Variants in SIMC1 observed in about 807,000 individuals in gnomAD.
The protein encoded by SIMC1 is SUMO interacting motifs containing 1.
In SIMC1, 55 loss-of-function variants were observed where a neutral mutation model predicts 82.3. The observed-to-expected ratio is 0.67, with a 90% CI of 0.54 to 0.84. SIMC1 has a LOEUF of 0.84. SIMC1 is among the 40% of genes least tolerant of loss of function. SIMC1 has a pLI of 0.00. For synonymous variants in SIMC1, 353 were observed against 426.3 expected (o/e 0.83, Z 2.12); for missense variants, 915 against 1,107.2 (o/e 0.83, Z 2.46).
intron 4 of SIMC1, chr5:176,308,384 G>A (rs977920492): frequency 1.0e-5 from 16 of 1,595,462 alleles, no homozygotes; most frequent in Non-Finnish European, 1.2e-5. Flanking sequence ...CAGAGAAGTT[G>A]GCTGAACTGA....
chr5:176,327,617 C>T (rs1261968510), intron 7 of SIMC1, among the ~76,000 whole-genome samples: 1 of 152,124 alleles, frequency 6.6e-6, no homozygotes, highest in Admixed American at 6.5e-5. Context: ...GCTAGAATCT[C>T]CAGGAAAATG....
chr5:176,310,148 A>G (rs571917336), intron 4 of SIMC1, among the ~76,000 whole-genome samples: 4 of 152,324 alleles, frequency 2.6e-5, no homozygotes, highest in African/African-American at 9.6e-5. Context: ...AAAATAGTAA[A>G]AATACCAAAT....
intron 1 of SIMC1, among the ~76,000 whole-genome samples, chr5:176,283,019 CTA>C (rs1401125746): frequency 6.6e-6 from 1 of 152,150 alleles, no homozygotes. Context: ...AAATATGGGA[CTA>C]TGTGAAAAGA....
intron 1 of SIMC1, among the ~76,000 whole-genome samples, chr5:176,253,936 A>G (rs1389635366): frequency 6.6e-6 from 1 of 152,226 alleles, no homozygotes; most frequent in African/African-American, 2.4e-5. Flanking sequence ...ATGACCACGG[A>G]GAACTAGGTG....
Position 176,324,683 on chromosome 5 carries a change from C to A in SIMC1, c.2097C>A (p.Thr699=), listed in dbSNP as rs191300514. ...MLSIAVEVDR[T]PTCSSNKIAE... ...CCATAGCCGTAGAGGTGGACAGGACCCCCACCTGCAGCTCCAATAAAATTG... is the reference window on the plus strand; with the variant it reads ...CCATAGCCGTAGAGGTGGACAGGACACCCACCTGCAGCTCCAATAAAATTG... The change falls in exon 7 of 10, where the codon ACC becomes ACA. Residue 699 remains threonine (T), a synonymous_variant. Transcript: ENST00000429602. 1 of 1,608,370 alleles carries A rather than the reference C, an allele frequency of 6.2e-7. No homozygotes were observed. The highest frequency in any genetic ancestry group is 8.5e-7 in the Non-Finnish European group (1 of 1,177,328).
chr5:176,266,281 G>A (rs1394792500), intron 1 of SIMC1, among the ~76,000 whole-genome samples: 1 of 152,116 alleles, frequency 6.6e-6, no homozygotes, highest in Admixed American at 6.6e-5. Flanking sequence ...GGGGACAGAG[G>A]TCAAGGCTGG....
chr5:176,336,206 TC>T (rs1765887057), intron 7 of SIMC1, among the ~76,000 whole-genome samples: 1 of 152,110 alleles, frequency 6.6e-6, no homozygotes, highest in Non-Finnish European at 1.5e-5. Flanking sequence ...TGCTTCTGCC[TC>T]CATAGGAAGG....
intron 4 of SIMC1, among the ~76,000 whole-genome samples, chr5:176,310,818 C>T (rs563480325): frequency 4.5e-4 from 69 of 151,958 alleles, no homozygotes; most frequent in African/African-American, 1.3e-3. Context: ...TACATACACA[C>T]AAATGAATGC....
chr5:176,256,603 A>G (rs1416903826), intron 1 of SIMC1, among the ~76,000 whole-genome samples: 1 of 150,962 alleles, frequency 6.6e-6, no homozygotes, highest in Non-Finnish European at 1.5e-5. Context: ...CTAAAAAGAA[A>G]CACTACCACA....
At chr5:176,306,176 C>T (rs1390356223) in intron 4 of SIMC1, among the ~76,000 whole-genome samples, 2 of 62,522 alleles carry the variant, frequency 3.2e-5, no homozygotes, top group Admixed American at 2.8e-4. Flanking sequence ...GCGTCAGCCC[C>T]CTGCCCGGCC....
intron 1 of SIMC1, among the ~76,000 whole-genome samples, chr5:176,261,483 C>A (rs1342605257): frequency 6.6e-6 from 1 of 152,072 alleles, no homozygotes; most frequent in African/African-American, 2.4e-5. Context: ...TGGCTCACAC[C>A]TGTATTCCCA....
At chr5:176,312,899 A>G (rs1041565217) in intron 4 of SIMC1, among the ~76,000 whole-genome samples, 4 of 152,222 alleles carry the variant, frequency 2.6e-5, no homozygotes, top group Admixed American at 6.5e-5. Flanking sequence ...ATGCTTGCCT[A>G]CTATGTGACA....
chr5:176,324,296 G>A (rs1442564884), intron 6 of SIMC1, among the ~76,000 whole-genome samples: 2 of 152,084 alleles, frequency 1.3e-5, no homozygotes, highest in African/African-American at 2.4e-5. Context: ...TGCAAAACAG[G>A]GAAGTTATAG....
intron 1 of SIMC1, among the ~76,000 whole-genome samples, chr5:176,279,743 T>C (rs1373555836): frequency 1.1e-4 from 17 of 151,534 alleles, no homozygotes; most frequent in Non-Finnish European, 2.5e-4. Flanking sequence ...CCAGTAGTCA[T>C]TCAGGAGCAG....
chr5:176,292,235 C>CA (rs1340007510), intron 2 of SIMC1, among the ~76,000 whole-genome samples: 1 of 152,044 alleles, frequency 6.6e-6, no homozygotes, highest in Non-Finnish European at 1.5e-5. Context: ...TGCTCCTTTC[C>CA]ATTGGTCATC....
chr5:176,255,384 C>T (rs1280548194), intron 1 of SIMC1, among the ~76,000 whole-genome samples: 2 of 152,050 alleles, frequency 1.3e-5, no homozygotes, highest in African/African-American at 4.8e-5. Flanking sequence ...GAATTTGAGA[C>T]CAGCCTGGCC....
intron 1 of SIMC1, among the ~76,000 whole-genome samples, chr5:176,286,870 A>C (rs1262828080): frequency 6.6e-6 from 1 of 152,260 alleles, no homozygotes; most frequent in Non-Finnish European, 1.5e-5. Context: ...CAACAGACAC[A>C]TGAAAAAATG....
chr5:176,291,915 A>T (rs1048572095), intron 2 of SIMC1, among the ~76,000 whole-genome samples: 26 of 152,100 alleles, frequency 1.7e-4, no homozygotes, highest in Admixed American at 1.6e-3. Context: ...TTCTAGCTGG[A>T]TGTGGTGGCA....
At chr5:176,318,535 C>G (rs1464194577) in intron 5 of SIMC1, among the ~76,000 whole-genome samples, 1 of 152,170 alleles carries the variant, frequency 6.6e-6, no homozygotes, top group African/African-American at 2.4e-5. Context: ...TGAGAGTCCT[C>G]TTTAATGCTT....
Sources: allele counts gnomAD v4.1 joint callset (sites outside exome capture counted in the v4.1 genomes callset), GRCh38; gene constraint gnomAD v4.1.1; transcripts MANE v1.5; gene names NCBI Gene and HGNC (gene_info 2026-07-23, HGNC 2026-07-21).